The following CACNA2D1 variants were observed in gnomAD, a reference collection of about 807,000 sequenced individuals.
CACNA2D1 encodes the protein calcium voltage-gated channel auxiliary subunit alpha2delta 1.
In CACNA2D1, 53 loss-of-function variants were observed where a neutral mutation model predicts 171.5. The ratio of observed to expected loss-of-function variants is 0.31; its 90% CI spans 0.25 to 0.39. The LOEUF (loss-of-function observed/expected upper bound fraction) is 0.39. Among genes scored for constraint, CACNA2D1 ranks in the 10% least tolerant of loss-of-function variants. The probability of loss-of-function intolerance (pLI) is 1.00; values close to 1 mark genes in which losing one functional copy is unlikely to be tolerated. For synonymous variants in CACNA2D1, 442 were observed against 443.1 expected (o/e 1.00, Z 0.03); for missense variants, 903 against 1,299.8 (o/e 0.69, Z 4.69).
At chr7:82,223,951 C>A (rs1372007494) in intron 3 of CACNA2D1, among the ~76,000 whole-genome samples, 1 of 152,168 alleles carries the variant, frequency 6.6e-6, no homozygotes, top group Non-Finnish European at 1.5e-5. Context: ...TCACCAGCCT[C>A]CTTGTGGTGC....
intron 1 of CACNA2D1, among the ~76,000 whole-genome samples, chr7:82,370,449 A>G (rs1822259402): frequency 6.6e-6 from 1 of 152,056 alleles, no homozygotes. Context: ...CTCATTAATA[A>G]CCAATTAAAT....
chr7:82,078,412 A>T (rs915569944), intron 7 of CACNA2D1, among the ~76,000 whole-genome samples: 1 of 152,228 alleles, frequency 6.6e-6, no homozygotes, highest in Middle Eastern at 3.2e-3. Context: ...TGAAATGACC[A>T]GTTTGTACCT....
chr7:81,984,583 C>T (rs1297176924), intron 22 of CACNA2D1, 52 bp downstream of exon 22: 12 of 968,852 alleles, frequency 1.2e-5, no homozygotes, highest in Non-Finnish European at 2.0e-5. Flanking sequence ...ATTTAAACAT[C>T]TGATACTAGG....
chr7:82,108,571 T>A (rs1335448017), intron 6 of CACNA2D1, among the ~76,000 whole-genome samples: 1 of 152,186 alleles, frequency 6.6e-6, no homozygotes, highest in Non-Finnish European at 1.5e-5. Flanking sequence ...ATAAAGCTAT[T>A]ACTAATTGGT....
chr7:82,000,994 A>G (rs568067623), intron 18 of CACNA2D1, among the ~76,000 whole-genome samples: 47 of 151,750 alleles, frequency 3.1e-4, no homozygotes, highest in Admixed American at 2.5e-3. Context: ...AATGTTGAAC[A>G]TGCTTTGAAA....
At chr7:82,332,898 C>T (rs967119215) in intron 3 of CACNA2D1, among the ~76,000 whole-genome samples, 1 of 152,082 alleles carries the variant, frequency 6.6e-6, no homozygotes, top group African/African-American at 2.4e-5. Flanking sequence ...ACTTGGAAGG[C>T]TGAGGTGGGA....
chr7:82,425,623 C>T (rs1021380764), intron 1 of CACNA2D1, among the ~76,000 whole-genome samples: 8 of 150,308 alleles, frequency 5.3e-5, no homozygotes, highest in Admixed American at 5.3e-4. Context: ...CTCACTGCAG[C>T]CCCAACGTTC....
intron 38 of CACNA2D1, among the ~76,000 whole-genome samples, chr7:81,956,366 A>AATCTT (rs1204719223): frequency 6.6e-6 from 1 of 151,962 alleles, no homozygotes; most frequent in East Asian, 1.9e-4. Flanking sequence ...ATAACCTATA[A>AATCTT]ATCTTATCTA....
chr7:82,208,360 A>G (rs564660220), intron 3 of CACNA2D1, among the ~76,000 whole-genome samples: 5 of 152,188 alleles, frequency 3.3e-5, no homozygotes, highest in Non-Finnish European at 7.4e-5. Flanking sequence ...AGAAAGCTAT[A>G]GAATTTACAT....
intron 3 of CACNA2D1, among the ~76,000 whole-genome samples, chr7:82,204,844 T>G (rs372085752): frequency 6.6e-6 from 1 of 152,114 alleles, no homozygotes; most frequent in Non-Finnish European, 1.5e-5. Context: ...AAAATGGATA[T>G]GCTGTGGTCA....
chr7:82,329,422 T>C (rs1817030525), intron 3 of CACNA2D1, among the ~76,000 whole-genome samples: 1 of 152,176 alleles, frequency 6.6e-6, no homozygotes, highest in Non-Finnish European at 1.5e-5. Context: ...TTGATCCTAT[T>C]TTCTTTGAGC....
intron 4 of CACNA2D1, among the ~76,000 whole-genome samples, chr7:82,157,067 G>A (rs1466517662): frequency 1.3e-5 from 2 of 152,072 alleles, no homozygotes; most frequent in Non-Finnish European, 2.9e-5. Context: ...ATGAATTATG[G>A]TACAATTGCC....
At position 82,222,501 on chromosome 7, in the gene CACNA2D1, A is replaced by T. The variant is rs1057449449; in HGVS notation, c.295-51892T>A. Among the ~76,000 whole-genome samples, 7 of 152,172 alleles carry T rather than the reference A, an allele frequency of 4.6e-5. No individual in the cohort carries two copies. In the East Asian group the frequency reaches 1.4e-3, roughly 29 times the overall value. ...GGAAAGTCTTCTTAAGACCAAGAGT[A>T]TTGGGAGCAAATGAATGAAGGTTGT... On this transcript the variant is annotated intron_variant, in intron 3 of 38. Coordinates refer to ENST00000356860, the MANE Select transcript of CACNA2D1 (RefSeq NM_000722.4).
intron 3 of CACNA2D1, among the ~76,000 whole-genome samples, chr7:82,294,004 G>A (rs1811970870): frequency 6.6e-6 from 1 of 151,980 alleles, no homozygotes; most frequent in African/African-American, 2.4e-5. Flanking sequence ...TTTCTTATCT[G>A]ACACTATCTT....
chr7:82,373,612 C>T (rs1436262664), intron 1 of CACNA2D1, among the ~76,000 whole-genome samples: 1 of 152,162 alleles, frequency 6.6e-6, no homozygotes, highest in Non-Finnish European at 1.5e-5. Context: ...CCTCCACCCA[C>T]CCATTGACTT....
intron 9 of CACNA2D1, among the ~76,000 whole-genome samples, chr7:82,061,442 C>T (rs530869544): frequency 6.6e-6 from 1 of 152,306 alleles, no homozygotes; most frequent in East Asian, 1.9e-4. Flanking sequence ...CCTTCACATG[C>T]TAACAGGTGA....
chr7:82,400,430 T>C (rs1303696773), intron 1 of CACNA2D1, among the ~76,000 whole-genome samples: 4 of 152,194 alleles, frequency 2.6e-5, no homozygotes, highest in East Asian at 3.9e-4. Flanking sequence ...CCCTTGTAAG[T>C]TGGATTAAAA....
chr7:82,245,405 A>G (rs950680782), intron 3 of CACNA2D1, among the ~76,000 whole-genome samples: 2 of 152,110 alleles, frequency 1.3e-5, no homozygotes. Flanking sequence ...AGTCTCCCCT[A>G]CACAATTGAA....
intron 4 of CACNA2D1, among the ~76,000 whole-genome samples, chr7:82,145,553 G>C (rs890662549): frequency 9.5e-5 from 13 of 136,252 alleles, no homozygotes; most frequent in African/African-American, 3.2e-4. Context: ...GTGTATATAT[G>C]TGCGTATATA....
Sources: allele counts gnomAD v4.1 joint callset (sites outside exome capture counted in the v4.1 genomes callset), GRCh38; gene constraint gnomAD v4.1.1; transcripts MANE v1.5; gene names NCBI Gene and HGNC (gene_info 2026-07-23, HGNC 2026-07-21).